SYNE1: variants seen among roughly 807,000 people sequenced by gnomAD.
SYNE1 encodes spectrin repeat containing nuclear envelope protein 1.
In SYNE1, 616 loss-of-function variants were observed where a neutral mutation model predicts 1,111.0. The ratio of observed to expected loss-of-function variants is 0.55; its 90% CI spans 0.52 to 0.59. The LOEUF (loss-of-function observed/expected upper bound fraction) is 0.59, where lower values mean the gene tolerates loss of function less well. SYNE1 is among the 20% of genes least tolerant of loss of function. The pLI, the probability that SYNE1 is intolerant of heterozygous loss-of-function variation, is 0.00. For synonymous variants in SYNE1, 3,855 were observed against 3,825.8 expected, an observed-to-expected ratio of 1.01 and a Z score of -0.28; for missense variants, 10,006 against 10,417.0, an observed-to-expected ratio of 0.96 and a Z score of 1.72.
In SYNE1 at chr6:152,164,197, G is replaced by A. The variant is rs746944246; in HGVS notation, c.23756C>T (p.Ser7919Leu). 1 of 1,614,066 alleles carries A rather than the reference G, an allele frequency of 6.2e-7. No homozygotes were observed. The highest frequency in any genetic ancestry group is 8.5e-7 in the Non-Finnish European group (1 of 1,180,034). The change falls in exon 131 of 146, where the codon TCG (serine) becomes TTG (leucine). Residue 7919 changes from serine to leucine, a missense_variant. Around this residue, in one of 7 missense-constraint regions of SYNE1, gnomAD observed 2,182 missense variants for 2,287.8 expected, o/e 0.95. Transcript: ENST00000367255. Reference sequence around the variant, plus strand: ...ATTAAGCTTTCTCTGTATTTCTTCCGAGTTACAGGAATCGTAGACTATTGG... The same window carrying A: ...ATTAAGCTTTCTCTGTATTTCTTCCAAGTTACAGGAATCGTAGACTATTGG... ...AKPIVYDSCNSEEIQRKLNEQ... is the reference protein window; with the variant it reads ...AKPIVYDSCNLEEIQRKLNEQ...
At position 152,376,877 on chromosome 6, in the gene SYNE1, T is replaced by TCTA; in HGVS notation, c.9042_9044dup (p.Pro3014_Arg3015insSer). On this transcript the variant is annotated inframe_insertion, in exon 57 of 146. Transcript: ENST00000367255. ...TCAGCTGAGACTTGAGATCCTCTGT[T>TCTA]CTAGGCTCTGCTTTTTGCAAAGCAT... 1.2e-6 allele frequency: 2 copies of TCTA among 1,614,098 alleles called. No homozygotes were observed. The highest frequency in any genetic ancestry group is 8.5e-7 in the Non-Finnish European group (1 of 1,180,006).
chr6:152,509,128 T>C (rs954637513), intron 8 of SYNE1, among the ~76,000 whole-genome samples: 68 of 152,204 alleles, frequency 4.5e-4, no homozygotes, highest in African/African-American at 1.6e-3. Context: ...ATACTCTACA[T>C]GAAAGGACTT....
At chr6:152,144,668 T>A (rs78171581) in intron 137 of SYNE1, 2,251 of 152,790 alleles carry the variant, frequency 0.015, 86 homozygotes, top group East Asian at 0.12. Context: ...AATCACCCTC[T>A]CAGTAATGTT....
At chr6:152,317,330 C>A (rs2095755743) in intron 86 of SYNE1, among the ~76,000 whole-genome samples, 1 of 151,198 alleles carries the variant, frequency 6.6e-6, no homozygotes, top group African/African-American at 2.4e-5. Flanking sequence ...GGCTCAGCCT[C>A]CCACCTCAGC....
At chr6:152,362,912 G>T in intron 63 of SYNE1, among the ~76,000 whole-genome samples, 1 of 150,874 alleles carries the variant, frequency 6.6e-6, no homozygotes, top group Admixed American at 6.6e-5. Flanking sequence ...CAAAGTCTTG[G>T]CCGTCTCACC....
At position 152,358,441 on chromosome 6, in the gene SYNE1, T is replaced by C. The variant is rs1218044738; in HGVS notation, c.10540A>G (p.Lys3514Glu). The C allele has an allele frequency of 6.2e-7, 1 of 1,614,180 alleles. No individual in the cohort carries two copies. Among genetic ancestry groups the C allele is most frequent in the South Asian group, 1.1e-5 (1 of 91,078 alleles). Residue 3514 changes from lysine (K) to glutamate (E), a missense_variant, in exon 66 of 146, where the codon AAG (lysine) becomes GAG (glutamate). Physicochemically the swap from Lys to Glu is moderately conservative, Grantham distance 56. This residue lies in a region of SYNE1 where 4,955 missense variants were observed against 5,017.2 expected (regional missense o/e 0.99). Transcript: ENST00000367255. ...TCAAGAACTGAATACTGGTCGAGCT[T>C]TTCTTGTTCTTGCCCCAACCAAACT... ...FEVWLGQEQE[K>E]LDQYSVLEGD...
At chr6:152,388,565 C>T (rs941754924) in intron 53 of SYNE1, among the ~76,000 whole-genome samples, 13 of 152,144 alleles carry the variant, frequency 8.5e-5, no homozygotes, top group Admixed American at 1.3e-4. Flanking sequence ...TCCCAAAGTG[C>T]TGGGATTACA....
intron 5 of SYNE1, among the ~76,000 whole-genome samples, chr6:152,522,393 CT>C (rs1220843394): frequency 6.6e-6 from 1 of 152,066 alleles, no homozygotes; most frequent in African/African-American, 2.4e-5. Context: ...TTATTTCATT[CT>C]TTTTTTATGA....
At chr6:152,626,513 A>T (rs554574207) in intron 3 of SYNE1, among the ~76,000 whole-genome samples, 1 of 152,278 alleles carries the variant, frequency 6.6e-6, no homozygotes, top group South Asian at 2.1e-4. Context: ...GCATCTACCC[A>T]GGTGAAGATG....
In SYNE1 at chr6:152,152,082, G is replaced by A; in HGVS notation, c.24189C>T (p.Tyr8063=). ...LTQLELINKQ[Y]RRLARENRTD... Reference sequence around the variant, plus strand: ...TGCGGTTCTCCCTGGCCAGGCGGCGGTACTGCTTGTTGATCAGTTCCAGCT... The same window carrying A: ...TGCGGTTCTCCCTGGCCAGGCGGCGATACTGCTTGTTGATCAGTTCCAGCT... Residue 8063 remains tyrosine (Y), a synonymous_variant, in exon 134 of 146, where the codon TAC becomes TAT. Coordinates refer to ENST00000367255, the MANE Select transcript of SYNE1 (RefSeq NM_182961.4). 1 of 1,614,184 alleles carries A rather than the reference G, an allele frequency of 6.2e-7. No homozygotes were observed. The highest frequency in any genetic ancestry group is 8.5e-7 in the Non-Finnish European group (1 of 1,180,034).
At chr6:152,134,507 A>T (rs1227753203) in intron 142 of SYNE1, 1 of 153,434 alleles carries the variant, frequency 6.5e-6, no homozygotes, top group East Asian at 1.9e-4. Context: ...TGTCTCTACT[A>T]AAAATACAAA....
chr6:152,178,454 C>T (rs2067034410), intron 129 of SYNE1, among the ~76,000 whole-genome samples: 1 of 152,080 alleles, frequency 6.6e-6, no homozygotes, highest in African/African-American at 2.4e-5. Context: ...TAAACAAATG[C>T]TTATCCATTT....
chr6:152,301,699 A>G (rs1418395617), intron 92 of SYNE1, among the ~76,000 whole-genome samples, 170 bp downstream of exon 92: 1 of 152,244 alleles, frequency 6.6e-6, no homozygotes, highest in Non-Finnish European at 1.5e-5. Context: ...TACAGTGTCA[A>G]AGATTGGCCC....
intron 119 of SYNE1, among the ~76,000 whole-genome samples, 158 bp downstream of exon 119, chr6:152,220,684 G>A (rs373451327): frequency 3.1e-4 from 47 of 152,328 alleles, no homozygotes; most frequent in African/African-American, 1.1e-3. Context: ...ATGTGCACCT[G>A]TGTTCTGAAA....
At chr6:152,412,814 T>C (rs1265887872) in intron 42 of SYNE1, among the ~76,000 whole-genome samples, 2 of 151,878 alleles carry the variant, frequency 1.3e-5, no homozygotes, top group Admixed American at 6.6e-5. Flanking sequence ...TCATAACTGT[T>C]GACAACTCCT....
intron 96 of SYNE1, among the ~76,000 whole-genome samples, chr6:152,283,221 T>A (rs771141512): frequency 6.6e-6 from 1 of 152,224 alleles, no homozygotes; most frequent in Non-Finnish European, 1.5e-5. Flanking sequence ...ATATTTAAAT[T>A]AAGTAACGTG....
chr6:152,460,694 T>C (rs1359928457), intron 21 of SYNE1, among the ~76,000 whole-genome samples: 2 of 151,940 alleles, frequency 1.3e-5, no homozygotes, highest in African/African-American at 4.8e-5. Flanking sequence ...CCAATGGAAC[T>C]TCCAAAGCTC....
chr6:152,550,888 G>C (rs1032884801), intron 3 of SYNE1, among the ~76,000 whole-genome samples: 2 of 152,062 alleles, frequency 1.3e-5, no homozygotes, highest in Non-Finnish European at 2.9e-5. Context: ...TCGGATAAAG[G>C]GTTGTGTGAA....
At chr6:152,223,375 A>T (rs964026027) in intron 117 of SYNE1, among the ~76,000 whole-genome samples, 2 of 152,122 alleles carry the variant, frequency 1.3e-5, no homozygotes, top group African/African-American at 4.8e-5. Flanking sequence ...TAATCCCAGC[A>T]CTTTGGGAGG....
Sources: allele counts gnomAD v4.1 joint callset (sites outside exome capture counted in the v4.1 genomes callset), GRCh38; gene constraint gnomAD v4.1.1; regional missense constraint gnomAD v4.1.1; transcripts MANE v1.5; gene names NCBI Gene and HGNC (gene_info 2026-07-23, HGNC 2026-07-21).